TG: variants seen among roughly 807,000 people sequenced by gnomAD.
The protein encoded by TG is thyroid hormones.
In TG, 270 loss-of-function variants were observed where a neutral mutation model predicts 324.7. The observed-to-expected ratio is 0.83, with a 90% confidence interval of 0.75 to 0.92. TG has a LOEUF of 0.92. Among genes scored for constraint, TG ranks in the 40% least tolerant of loss-of-function variants. The pLI is 0.00. For synonymous variants in TG, 1,401 were observed against 1,327.0 expected, an observed-to-expected ratio of 1.06 and a Z score of -1.21; for missense variants, 3,591 against 3,456.4, an observed-to-expected ratio of 1.04 and a Z score of -0.98.
At chr8:133,025,533 G>T (rs547893675) in intron 40 of TG, among the ~76,000 whole-genome samples, 1 of 152,120 alleles carries the variant, frequency 6.6e-6, no homozygotes, top group South Asian at 2.1e-4. Flanking sequence ...GCTTTGGTTG[G>T]GCACATGTGT....
intron 27 of TG, among the ~76,000 whole-genome samples, chr8:132,959,927 A>G (rs1460485841): frequency 2.0e-5 from 3 of 152,204 alleles, no homozygotes; most frequent in African/African-American, 7.2e-5. Flanking sequence ...TAAGCAGAAA[A>G]GAGTGATGAG....
chr8:133,127,813 C>T (rs1851635158), intron 45 of TG, among the ~76,000 whole-genome samples: 3 of 152,128 alleles, frequency 2.0e-5, no homozygotes, highest in African/African-American at 7.2e-5. Flanking sequence ...CCTGGCTCTC[C>T]TTGTGCTCAG....
intron 38 of TG, among the ~76,000 whole-genome samples, chr8:133,019,207 T>C (rs181814120): frequency 2.0e-5 from 3 of 152,196 alleles, no homozygotes; most frequent in Non-Finnish European, 4.4e-5. Context: ...AAACCAGCAC[T>C]GTAGGACTCT....
intron 35 of TG, chr8:132,988,735 G>T (rs1376532111): frequency 1.0e-6 from 1 of 985,354 alleles, no homozygotes; most frequent in Non-Finnish European, 1.2e-6. Flanking sequence ...CAGCAAGGCT[G>T]CTGCAGGTTA....
chr8:132,899,806 G>A (rs1326753728), intron 14 of TG, among the ~76,000 whole-genome samples: 1 of 152,206 alleles, frequency 6.6e-6, no homozygotes, highest in Non-Finnish European at 1.5e-5. Flanking sequence ...GCTCTGAGGT[G>A]TGGTTTGCAA....
intron 41 of TG, among the ~76,000 whole-genome samples, chr8:133,032,936 G>A (rs955013684): frequency 1.3e-5 from 2 of 152,182 alleles, no homozygotes; most frequent in African/African-American, 4.8e-5. Flanking sequence ...GGCTCAGAGA[G>A]ATTTAGTGAC....
chr8:132,874,073 G>T (rs1839742961), intron 5 of TG, among the ~76,000 whole-genome samples: 1 of 152,188 alleles, frequency 6.6e-6, no homozygotes, highest in Non-Finnish European at 1.5e-5. Flanking sequence ...TTGGGAGGCT[G>T]AGGCAGGAGA....
At chr8:133,122,208 A>G (rs1262975533) in intron 45 of TG, among the ~76,000 whole-genome samples, 2 of 152,206 alleles carry the variant, frequency 1.3e-5, no homozygotes, top group African/African-American at 4.8e-5. Flanking sequence ...CACCTGGATT[A>G]TAGATGAGAT....
At chr8:132,879,507 T>TA (rs1284291628) in intron 5 of TG, among the ~76,000 whole-genome samples, 2 of 152,230 alleles carry the variant, frequency 1.3e-5, no homozygotes, top group East Asian at 3.8e-4. Context: ...TTCATACATA[T>TA]CACTTGTGAT....
chr8:132,986,453 T>G (rs1831565785), intron 35 of TG, among the ~76,000 whole-genome samples: 1 of 151,880 alleles, frequency 6.6e-6, no homozygotes, highest in African/African-American at 2.4e-5. Context: ...CATATCTGTC[T>G]AAATCACTCA....
intron 47 of TG, 116 bp from the exon 48 acceptor site, chr8:133,134,560 G>T (rs1249440645): frequency 7.4e-6 from 7 of 947,510 alleles, no homozygotes; most frequent in Non-Finnish European, 1.2e-5. Context: ...CCCTCTAAAG[G>T]GCATTAGCAA....
rs1827997600 is a variant in TG, at chr8:132,963,077, A to G, written c.5548+3A>G. 6.2e-7 allele frequency: 1 copy of G among 1,613,892 alleles called. No individual in the cohort carries two copies. Among genetic ancestry groups the G allele is most frequent in the African/African-American group, 1.3e-5 (1 of 74,938 alleles). On this transcript the variant is annotated splice_donor_region_variant and intron_variant, in intron 29 of 47. Transcript: ENST00000220616. ...GCCAGCATCTCCAACAGAAGCAGGT[A>G]CTGACCCCCAAACCTTCTTACACAC...
chr8:132,900,738 T>G (rs1817799946), intron 15 of TG, among the ~76,000 whole-genome samples: 1 of 152,108 alleles, frequency 6.6e-6, no homozygotes, highest in Non-Finnish European at 1.5e-5. Context: ...CCATAAATGC[T>G]CCCATCATCT....
intron 38 of TG, 26 bp from the exon 39 acceptor site, chr8:133,019,576 G>A (rs368639513): frequency 8.7e-6 from 14 of 1,607,376 alleles, no homozygotes; most frequent in African/African-American, 5.3e-5. Context: ...AGCATGTCTT[G>A]GAAGTCACCC....
Position 132,983,362 on chromosome 8 carries a change from A to G in TG, c.6212A>G (p.Asn2071Ser), listed in dbSNP as rs1309730186. 6.8e-6 allele frequency: 11 copies of G among 1,614,150 alleles called. No homozygotes were observed. Among genetic ancestry groups the G allele is most frequent in the Admixed American group, 3.3e-5 (2 of 60,024 alleles). Reference protein sequence around the residue: ...GWYQKPIAQNNAPSFCPLVVL... With the variant: ...GWYQKPIAQNSAPSFCPLVVL... ...TTTTCCTTTTCAGTTGCTCAAAATA[A>G]TGCTCCCAGTTTTTGCCCTTTGGTT... The change falls in exon 35 of 48, where the codon AAT becomes AGT. Residue 2071 changes from asparagine to serine, a missense_variant. Transcript: ENST00000220616.
chr8:132,873,202 C>T lies in TG; in HGVS notation c.619C>T (p.Leu207=), dbSNP rs755531647. The T allele has an allele frequency of 2.5e-6, 4 of 1,614,022 alleles. No homozygotes were observed. The highest frequency in any genetic ancestry group is 3.4e-6 in the Non-Finnish European group (4 of 1,180,030). ...VNTTDMMIFD[L]VHSYNRFPDA... Reference sequence around the variant, plus strand: ...CACCACAGACATGATGATTTTTGATCTGGTCCACAGCTACAACAGGTAAGG... The same window carrying T: ...CACCACAGACATGATGATTTTTGATTTGGTCCACAGCTACAACAGGTAAGG... Residue 207 remains leucine, a synonymous_variant, in exon 5 of 48, where the codon CTG becomes TTG. Transcript: ENST00000220616.
chr8:133,107,005 C>T (rs1849860149), intron 43 of TG, among the ~76,000 whole-genome samples: 1 of 152,218 alleles, frequency 6.6e-6, no homozygotes, highest in African/African-American at 2.4e-5. Context: ...GCATTTCTCA[C>T]CTGCCTTGCT....
chr8:132,913,014 G>A lies in TG; in HGVS notation c.4160-33G>A, dbSNP rs753628934. ...TCCCTGGCCCTAGCAGAGTACAGTGGGGGTGACCTCTACCTTATCCTGTGT... is the reference window on the plus strand; with the variant it reads ...TCCCTGGCCCTAGCAGAGTACAGTGAGGGTGACCTCTACCTTATCCTGTGT... On this transcript the variant is annotated intron_variant, in intron 19 of 47. Coordinates refer to ENST00000220616, the MANE Select transcript of TG (RefSeq NM_003235.5). The A allele has an allele frequency of 2.5e-6, 4 of 1,605,796 alleles. No homozygotes were observed. The East Asian group carries it at 6.7e-5, about 27-fold the overall frequency.
At chr8:133,077,194 A>C (rs1468735846) in intron 41 of TG, among the ~76,000 whole-genome samples, 1 of 152,190 alleles carries the variant, frequency 6.6e-6, no homozygotes, top group Non-Finnish European at 1.5e-5. Context: ...GTTTCACACA[A>C]GCTTTAAAAG....
Sources: gnomAD v4.1 joint callset for allele counts (sites outside exome capture counted in the v4.1 genomes callset) on GRCh38, gnomAD v4.1.1 for gene constraint, MANE v1.5 for transcripts, NCBI Gene and HGNC (gene_info 2026-07-23, HGNC 2026-07-21) for gene names.